TM4SF19: variants seen among roughly 807,000 people sequenced by gnomAD.
The protein encoded by TM4SF19 is transmembrane 4 L six family member 19.
In TM4SF19, 17 loss-of-function variants were observed where a neutral mutation model predicts 21.8. The ratio of observed to expected loss-of-function variants is 0.78; its 90% confidence interval spans 0.53 to 1.17. The LOEUF (loss-of-function observed/expected upper bound fraction) is 1.17, where lower values mean the gene tolerates loss of function less well. Ranked by LOEUF, TM4SF19 falls within the 50% of genes most tolerant of loss-of-function variation. The pLI is 0.00. For missense variants in TM4SF19, 216 were observed against 252.1 expected (o/e 0.86, Z 0.97); for synonymous variants, 107 against 106.7 (o/e 1.00, Z -0.02).
chr3:196,333,308 G>T (rs779939354), intron 1 of TM4SF19, among the ~76,000 whole-genome samples: 3 of 152,166 alleles, frequency 2.0e-5, no homozygotes, highest in Non-Finnish European at 2.9e-5. Context: ...ATAAGTAGAG[G>T]ACTGTCTGTA....
At chr3:196,332,552 GCA>G (rs1339649490) in intron 1 of TM4SF19, among the ~76,000 whole-genome samples, 1 of 151,228 alleles carries the variant, frequency 6.6e-6, no homozygotes, top group East Asian at 1.9e-4. Flanking sequence ...CTATATATAT[GCA>G]CACACACATA....
At chr3:196,329,721 T>C (rs764319564) in intron 1 of TM4SF19, among the ~76,000 whole-genome samples, 1 of 124,656 alleles carries the variant, frequency 8.0e-6, no homozygotes, top group Non-Finnish European at 1.8e-5. Flanking sequence ...AGGACAAATA[T>C]TGTATGATTC....
At chr3:196,332,847 A>AGT (rs1560205105) in intron 1 of TM4SF19, among the ~76,000 whole-genome samples, 16 of 106,424 alleles carry the variant, frequency 1.5e-4, no homozygotes, top group African/African-American at 4.2e-4. Flanking sequence ...TTCAACTTAC[A>AGT]ATTTTTTTTT....
Position 196,326,997 on chromosome 3 carries a change from G to T in TM4SF19, c.237C>A (p.Gly79=). 2 of 1,611,654 alleles carry T rather than the reference G, an allele frequency of 1.2e-6. No individual in the cohort carries two copies. The highest frequency in any genetic ancestry group is 2.7e-5 in the African/African-American group (2 of 75,000). Residue 79 remains glycine, a synonymous_variant, in exon 3 of 5, where the codon GGC becomes GGA. Coordinates refer to ENST00000273695, the MANE Select transcript of TM4SF19 (RefSeq NM_138461.4). ...TCTTACTGAAGCAGCCGTATCTCCA[G>T]CCCATCAAGGAGATGAGGATAGCTG... ...LTAAILISLM[G]WRYGCFSKSG...
rs890873574 is a variant in TM4SF19, at chr3:196,324,723, C to T, written c.280-283G>A. 6.1e-5 allele frequency: 25 copies of T among 407,018 alleles called. No individual in the cohort carries two copies. In the East Asian group the frequency reaches 9.5e-4, roughly 16 times the overall value. The allele number at this position is 407,018 out of a possible 1,614,324, so 25.2% of individuals were successfully genotyped here. ...ATCGCAGGCCCCGGATCTCCCTGAC[C>T]GTGAGTTCGCCTGAGCTGCTCAGCA... On this transcript the variant is annotated intron_variant, in intron 3 of 4. Transcript: ENST00000273695.
intron 1 of TM4SF19, among the ~76,000 whole-genome samples, chr3:196,334,099 T>C (rs939114786): frequency 2.0e-5 from 3 of 152,060 alleles, no homozygotes; most frequent in African/African-American, 4.8e-5. Flanking sequence ...TTAAACATAA[T>C]GTGTAAAATA....
At chr3:196,330,055 A>AATTT (rs1727447165) in intron 1 of TM4SF19, among the ~76,000 whole-genome samples, 3 of 151,840 alleles carry the variant, frequency 2.0e-5, no homozygotes, top group Non-Finnish European at 4.4e-5. Flanking sequence ...TATTTTTAGT[A>AATTT]GAGACAGGGT....
At chr3:196,330,682 G>A (rs936718884) in intron 1 of TM4SF19, among the ~76,000 whole-genome samples, 9 of 152,140 alleles carry the variant, frequency 5.9e-5, no homozygotes, top group African/African-American at 1.4e-4. Context: ...GCAGATGAGC[G>A]GTTGCCATGG....
chr3:196,334,345 T>C (rs1170136019), intron 1 of TM4SF19, among the ~76,000 whole-genome samples: 1 of 152,064 alleles, frequency 6.6e-6, no homozygotes, highest in Non-Finnish European at 1.5e-5. Context: ...TCGGGTGTTT[T>C]CCATTTTTCA....
Position 196,324,373 on chromosome 3 carries a change from C to T in TM4SF19, c.347G>A (p.Gly116Glu). ...LGALICFVTSGVALKDGPFCM... is the reference protein window; with the variant it reads ...LGALICFVTSEVALKDGPFCM... ...AAAAGGACCATCTTTCAGAGCAACT[C>T]CAGAAGTGACAAAGCAAATCAGGGC... The change falls in exon 4 of 5, where the codon GGA becomes GAA. Residue 116 changes from glycine to glutamate, a missense_variant. By Grantham distance (98) the Gly-to-Glu change is moderately conservative (BLOSUM62 -2). Coordinates refer to ENST00000273695, the MANE Select transcript of TM4SF19 (RefSeq NM_138461.4). 1.2e-6 allele frequency: 2 copies of T among 1,614,146 alleles called. No individual in the cohort carries two copies. The highest frequency in any genetic ancestry group is 8.5e-7 in the Non-Finnish European group (1 of 1,180,040).
At chr3:196,330,780 T>C (rs1396699137) in intron 1 of TM4SF19, among the ~76,000 whole-genome samples, 1 of 152,186 alleles carries the variant, frequency 6.6e-6, no homozygotes, top group Non-Finnish European at 1.5e-5. Context: ...TGGTGGTGAA[T>C]ACATAACTGT....
At chr3:196,331,461 TATTTA>T (rs1175301174) in intron 1 of TM4SF19, among the ~76,000 whole-genome samples, 2 of 151,470 alleles carry the variant, frequency 1.3e-5, no homozygotes, top group Non-Finnish European at 2.9e-5. Flanking sequence ...TTTATTTATT[TATTTA>T]ATTTATTTAT....
chr3:196,335,800 C>G (rs1727734191), intron 1 of TM4SF19, among the ~76,000 whole-genome samples: 1 of 152,056 alleles, frequency 6.6e-6, no homozygotes, highest in Admixed American at 6.5e-5. Flanking sequence ...CCGAGACGGT[C>G]CCATCGTGCA....
Position 196,323,590 on chromosome 3 carries a change from TATA to T in TM4SF19, c.*224_*226del. 3.6e-6 allele frequency: 3 copies of T among 826,730 alleles called. No individual in the cohort carries two copies. The highest frequency in any genetic ancestry group is 5.5e-6 in the Non-Finnish European group (3 of 544,090). The allele number at this position is 826,730 out of a possible 1,614,324, so 51.2% of individuals were successfully genotyped here. On this transcript the variant is annotated 3_prime_UTR_variant, in exon 5 of 5. Transcript: ENST00000273695. ...TATGGACTATAAATTCCTAAACAAT[TATA>T]ATAACTTAGTTATTTATCCTATCCA... is the stretch of plus-strand genomic sequence containing the variant.
chr3:196,331,802 T>C (rs765488116), intron 1 of TM4SF19, among the ~76,000 whole-genome samples: 3 of 150,408 alleles, frequency 2.0e-5, no homozygotes, highest in African/African-American at 7.3e-5. Context: ...GAAAAAAAAA[T>C]GTAATAGAGG....
At chr3:196,328,578 T>C (rs1273498342) in intron 1 of TM4SF19, among the ~76,000 whole-genome samples, 1 of 152,134 alleles carries the variant, frequency 6.6e-6, no homozygotes, top group Non-Finnish European at 1.5e-5. Context: ...AAAGCATTGC[T>C]GAGAAAATTA....
intron 1 of TM4SF19, among the ~76,000 whole-genome samples, chr3:196,336,020 G>A (rs566052426): frequency 4.4e-4 from 67 of 152,140 alleles, no homozygotes; most frequent in African/African-American, 1.5e-3. Context: ...TTCAAATCAC[G>A]GCACCTCTGA....
At chr3:196,338,184 A>C (rs1047495344) in intron 1 of TM4SF19, 80 bp downstream of exon 1, 1 of 152,362 alleles carries the variant, frequency 6.6e-6, no homozygotes, top group South Asian at 2.1e-4. Flanking sequence ...AGCCAGGCTC[A>C]CTGGAGTGGA....
Position 196,327,512 on chromosome 3 carries a change from G to A in TM4SF19, c.79C>T (p.Leu27=), listed in dbSNP as rs1033320465. The part of the protein sequence containing the change: ...ILGLSLGTAA[L]FAAGANVALL... Reference sequence around the variant, plus strand: ...GCCACGTTGGCCCCAGCAGCAAACAGGGCTGCAGTCCCAAGGCTCAGTCCC... The same window carrying A: ...GCCACGTTGGCCCCAGCAGCAAACAAGGCTGCAGTCCCAAGGCTCAGTCCC... The change falls in exon 2 of 5, where the codon CTG becomes TTG. Residue 27 remains leucine (L), a synonymous_variant. Transcript: ENST00000273695. 39 of 1,614,026 alleles carry A rather than the reference G, an allele frequency of 2.4e-5. 1 individual carries two copies. Among genetic ancestry groups the A allele is most frequent in the Non-Finnish European group, 1.7e-6 (2 of 1,180,056 alleles).
Sources: allele counts gnomAD v4.1 joint callset (sites outside exome capture counted in the v4.1 genomes callset), GRCh38; gene constraint gnomAD v4.1.1; transcripts MANE v1.5; gene names NCBI Gene and HGNC (gene_info 2026-07-23, HGNC 2026-07-21).